CPNE4: variants seen among roughly 807,000 people sequenced by gnomAD.
CPNE4 encodes copine-4.
In CPNE4, 25 loss-of-function variants were observed where a neutral mutation model predicts 67.9. That is an observed-to-expected ratio of 0.37 (90% confidence interval 0.27 to 0.51). The LOEUF is 0.51. Ranked by LOEUF, CPNE4 falls within the 20% of genes least tolerant of loss-of-function variation. CPNE4 has a pLI of 0.93. For synonymous variants in CPNE4, 242 were observed against 244.9 expected (o/e 0.99, Z 0.11); for missense variants, 464 against 690.8 (o/e 0.67, Z 3.68).
chr3:131,917,865 T>C (rs1381855125), intron 1 of CPNE4, among the ~76,000 whole-genome samples: 2 of 152,192 alleles, frequency 1.3e-5, no homozygotes, highest in African/African-American at 2.4e-5. Flanking sequence ...CTGAGAATTC[T>C]GTGGATTTCT....
chr3:131,667,462 T>C lies in CPNE4; in HGVS notation c.681+2213A>G, dbSNP rs546902665. Reference sequence around the variant, plus strand: ...AGGCAGCAGGGTGTGTGAGTGTGTATGTGACGGGGGTGAAATGCTACTGGC... The same window carrying C: ...AGGCAGCAGGGTGTGTGAGTGTGTACGTGACGGGGGTGAAATGCTACTGGC... On this transcript the variant is annotated intron_variant, in intron 7 of 15. Coordinates refer to ENST00000429747, the MANE Select transcript of CPNE4 (RefSeq NM_130808.3). Among the ~76,000 whole-genome samples, 7 of 151,942 alleles carry C rather than the reference T, an allele frequency of 4.6e-5. No homozygotes were observed. The South Asian group carries it at 6.2e-4, about 14-fold the overall frequency.
chr3:132,013,520 G>C (rs1294754166), intron 1 of CPNE4, among the ~76,000 whole-genome samples: 1 of 152,110 alleles, frequency 6.6e-6, no homozygotes, highest in African/African-American at 2.4e-5. Flanking sequence ...CTAATTATCA[G>C]AACCCAAGGT....
intron 9 of CPNE4, among the ~76,000 whole-genome samples, chr3:131,576,949 A>G (rs1404698842): frequency 6.6e-6 from 1 of 151,990 alleles, no homozygotes; most frequent in Non-Finnish European, 1.5e-5. Context: ...CTAAAAAATG[A>G]TTGGTTTGTA....
chr3:131,912,734 G>C (rs931732372), intron 1 of CPNE4, among the ~76,000 whole-genome samples: 3 of 152,132 alleles, frequency 2.0e-5, no homozygotes, highest in Non-Finnish European at 4.4e-5. Context: ...GCATAAATGA[G>C]ATAGTCCACC....
At chr3:131,674,860 T>G (rs2080519010) in intron 6 of CPNE4, among the ~76,000 whole-genome samples, 1 of 151,910 alleles carries the variant, frequency 6.6e-6, no homozygotes, top group South Asian at 2.1e-4. Context: ...AATTTTGGAG[T>G]TTTTTGGCTC....
intron 7 of CPNE4, among the ~76,000 whole-genome samples, chr3:131,662,058 G>C (rs2080140341): frequency 6.6e-6 from 1 of 152,078 alleles, no homozygotes; most frequent in Non-Finnish European, 1.5e-5. Flanking sequence ...AGCAGTAAGA[G>C]CTAGAAGGTT....
intron 7 of CPNE4, among the ~76,000 whole-genome samples, chr3:131,604,234 G>A (rs2107729692): frequency 6.6e-6 from 1 of 152,234 alleles, no homozygotes. Flanking sequence ...AACAGATGTT[G>A]ATCTTTCCAC....
chr3:131,957,773 T>G (rs2072020378), intron 1 of CPNE4, among the ~76,000 whole-genome samples: 1 of 152,226 alleles, frequency 6.6e-6, no homozygotes, highest in Non-Finnish European at 1.5e-5. Flanking sequence ...CAAAGAGAAT[T>G]TCTCAAGTCA....
chr3:131,576,256 T>C (rs963652177), intron 9 of CPNE4, among the ~76,000 whole-genome samples: 2 of 152,136 alleles, frequency 1.3e-5, no homozygotes, highest in African/African-American at 4.8e-5. Flanking sequence ...GGCCTCTAAA[T>C]AGTGCTTACT....
chr3:131,735,946 C>A (rs1305058830), intron 2 of CPNE4, among the ~76,000 whole-genome samples: 1 of 152,214 alleles, frequency 6.6e-6, no homozygotes, highest in East Asian at 1.9e-4. Flanking sequence ...CTATCTGAAG[C>A]CAAATCCAAG....
chr3:131,747,121 T>G lies in CPNE4; in HGVS notation c.181-23496A>C, dbSNP rs867065782. Reference sequence around the variant, plus strand: ...TTTGCCTCTGTTTTAAAATCATGTTTTTTTTTTTTTTCTCTTGTTGTTGAG... The same window carrying G: ...TTTGCCTCTGTTTTAAAATCATGTTGTTTTTTTTTTTCTCTTGTTGTTGAG... On this transcript the variant is annotated intron_variant, in intron 2 of 15. Transcript: ENST00000429747. Among the ~76,000 whole-genome samples, 37 of 78,306 alleles carry G rather than the reference T, an allele frequency of 4.7e-4. No homozygotes were observed. The Middle Eastern group carries it at 0.022, about 47-fold the overall frequency. 51.4% of individuals were successfully genotyped at this position (78,306 alleles called of 152,430 possible).
chr3:131,873,051 T>C (rs1328701690), intron 2 of CPNE4, among the ~76,000 whole-genome samples: 2 of 152,224 alleles, frequency 1.3e-5, no homozygotes, highest in Non-Finnish European at 2.9e-5. Context: ...AGAAAATAAA[T>C]AGTGATACCA....
chr3:131,569,653 CA>C (rs71133700), intron 10 of CPNE4, among the ~76,000 whole-genome samples: 34,587 of 96,082 alleles, frequency 0.36, 5,853 homozygotes, highest in African/African-American at 0.61. Flanking sequence ...ACAAAAAAAA[CA>C]AAAAAAAACA....
chr3:131,631,833 A>G (rs1312876876), intron 7 of CPNE4, among the ~76,000 whole-genome samples: 1 of 151,622 alleles, frequency 6.6e-6, no homozygotes, highest in Non-Finnish European at 1.5e-5. Context: ...TTGAGGGCCT[A>G]CTATGTGCCA....
rs532853101 is a variant in CPNE4 at position 131,698,869 on chromosome 3, C to T, written c.432+1040G>A. ...AGGTTGTAGTGTGCCGATATCGTGC[C>T]ATTGCACTCCAGTCTGGGTGACAGG... On this transcript the variant is annotated intron_variant, in intron 4 of 15. Transcript: ENST00000429747. Among the ~76,000 whole-genome samples the T allele has an allele frequency of 2.2e-5, 3 of 135,624 alleles. No individual in the cohort carries two copies. The South Asian group carries it at 6.9e-4, about 31-fold the overall frequency. 89.0% of individuals were successfully genotyped at this position (135,624 alleles called of 152,430 possible).
intron 7 of CPNE4, among the ~76,000 whole-genome samples, chr3:131,651,837 T>C (rs1439194145): frequency 6.6e-6 from 1 of 152,206 alleles, no homozygotes; most frequent in East Asian, 1.9e-4. Context: ...TAATGAGCTG[T>C]GTGGTCCCGG....
At chr3:131,858,135 C>T (rs995935043) in intron 2 of CPNE4, among the ~76,000 whole-genome samples, 3 of 151,952 alleles carry the variant, frequency 2.0e-5, no homozygotes, top group Non-Finnish European at 4.4e-5. Context: ...AGTCTTAAAG[C>T]CAAGAGAATT....
chr3:131,903,603 T>TA (rs2088633405), intron 2 of CPNE4, among the ~76,000 whole-genome samples: 5 of 152,062 alleles, frequency 3.3e-5, no homozygotes, highest in Admixed American at 3.3e-4. Context: ...AATGTATGGG[T>TA]TTAAATATTA....
At chr3:131,898,745 T>G (rs1206220585) in intron 2 of CPNE4, among the ~76,000 whole-genome samples, 1 of 152,136 alleles carries the variant, frequency 6.6e-6, no homozygotes, top group Non-Finnish European at 1.5e-5. Context: ...GGAGAAAATA[T>G]TATCTGGCTG....
Sources: allele counts gnomAD v4.1 joint callset (sites outside exome capture counted in the v4.1 genomes callset), GRCh38; gene constraint gnomAD v4.1.1; transcripts MANE v1.5; gene names NCBI Gene and HGNC (gene_info 2026-07-23, HGNC 2026-07-21).